ADSL: variants seen among roughly 807,000 people sequenced by gnomAD.
ADSL encodes adenylosuccinate lyase, also known as adenylosuccinase.
A neutral mutation model predicts 62.1 loss-of-function variants in ADSL; 44 were observed. The ratio of observed to expected loss-of-function variants is 0.71; its 90% CI spans 0.56 to 0.91. The LOEUF (loss-of-function observed/expected upper bound fraction) is 0.91. Ranked by LOEUF, ADSL falls within the 40% of genes least tolerant of loss-of-function variation. The pLI, the probability that ADSL is intolerant of heterozygous loss-of-function variation, is 0.00. For missense variants in ADSL, 531 were observed against 627.4 expected, an observed-to-expected ratio of 0.85 and a Z score of 1.64; for synonymous variants, 198 against 220.5, an observed-to-expected ratio of 0.90 and a Z score of 0.90.
rs71718801 is a variant in ADSL, at chr22:40,366,979, TAA to T, written c.*473_*474del. The T allele has an allele frequency of 7.0e-4, 95 of 135,894 alleles. No individual in the cohort carries two copies. The highest frequency in any genetic ancestry group is 3.1e-3 in the South Asian group (15 of 4,776). 8.4% of individuals were successfully genotyped at this position (135,894 alleles called of 1,614,324 possible). ...GAAGTTTGGAACTACAGTAAATACT[TAA>T]AAAAAAAAAAAAAAAGAACCAAACC... On this transcript the variant is annotated 3_prime_UTR_variant, in exon 13 of 13. Coordinates refer to ENST00000623063, the MANE Select transcript of ADSL (RefSeq NM_000026.4).
downstream of ADSL, among the ~76,000 whole-genome samples, chr22:40,370,164 A>AC (rs1303162391): frequency 6.6e-6 from 1 of 151,868 alleles, no homozygotes; most frequent in African/African-American, 2.4e-5. Context: ...ACATGGTGAA[A>AC]CCCCGTCTCT....
At chr22:40,358,338 C>T (rs909811423) in intron 4 of ADSL, among the ~76,000 whole-genome samples, 1 of 152,144 alleles carries the variant, frequency 6.6e-6, no homozygotes, top group African/African-American at 2.4e-5. Context: ...AATCCCAACA[C>T]TTTGGAAGGC....
At position 40,364,974 on chromosome 22, in the gene ADSL, T is replaced by C. The variant is rs372051078; in HGVS notation, c.1286T>C (p.Val429Ala). ...AATGACCTCATAGAGCGTATCCAGG[T>C]TGATGCCTACTTCAGTCCCATTCAC... ...GDNDLIERIQ[V>A]DAYFSPIHSQ... The change falls in exon 12 of 13, where the codon GTT becomes GCT. Residue 429 changes from valine (V) to alanine (A), a missense_variant. Coordinates refer to ENST00000623063, the MANE Select transcript of ADSL (RefSeq NM_000026.4). 6.2e-7 allele frequency: 1 copy of C among 1,614,112 alleles called. No individual in the cohort carries two copies. The highest frequency in any genetic ancestry group is 1.1e-5 in the South Asian group (1 of 91,082).
chr22:40,363,793 T>A (rs1183654606), intron 10 of ADSL, among the ~76,000 whole-genome samples: 1 of 151,404 alleles, frequency 6.6e-6, no homozygotes, highest in African/African-American at 2.4e-5. Flanking sequence ...TAATATTTCC[T>A]TTTTAAAAAT....
intron 2 of ADSL, among the ~76,000 whole-genome samples, chr22:40,377,564 C>A (rs893475584): frequency 1.2e-4 from 19 of 152,056 alleles, no homozygotes; most frequent in African/African-American, 4.6e-4. Context: ...GGCCTGGTGT[C>A]GTGGCTCACG....
intron 4 of ADSL, among the ~76,000 whole-genome samples, chr22:40,356,463 A>T (rs1453602213): frequency 1.3e-5 from 2 of 150,592 alleles, no homozygotes; most frequent in East Asian, 3.9e-4. Flanking sequence ...TGAACCCCGG[A>T]GGCAGAGGTT....
chr22:40,358,745 T>TC, intron 4 of ADSL, 119 bp from the exon 5 acceptor site: 1 of 883,214 alleles, frequency 1.1e-6, no homozygotes, highest in South Asian at 1.5e-5. Flanking sequence ...AGTTACTCCC[T>TC]CTCTTACTTA....
intron 3 of ADSL, 165 bp downstream of exon 3, chr22:40,353,282 C>T: frequency 1.4e-6 from 1 of 711,034 alleles, no homozygotes; most frequent in Non-Finnish European, 2.6e-6. Flanking sequence ...GTTTCTTCTT[C>T]TCCTTTCTTC....
Position 40,353,125 on chromosome 22 carries a change from G to C in ADSL, c.402+8G>C. The stretch of plus-strand genomic sequence containing the variant: ...GACCTGCTTTTGCCAAAGGTAAGGA[G>C]TTGGCAGATGTTTCCTACCAACCCT... On this transcript the variant is annotated splice_region_variant and intron_variant, in intron 3 of 12. Transcript: ENST00000623063. 6.2e-7 allele frequency: 1 copy of C among 1,611,612 alleles called. No homozygotes were observed. The highest frequency in any genetic ancestry group is 8.5e-7 in the Non-Finnish European group (1 of 1,177,704).
At chr22:40,348,268 G>T (rs527879009) in intron 1 of ADSL, 106 of 396,712 alleles carry the variant, frequency 2.7e-4, no homozygotes, top group Non-Finnish European at 3.9e-4. Context: ...TTTGGAAGGA[G>T]CCCAGAGGTG....
At chr22:40,386,935 A>G (rs2048559484) in intron 2 of ADSL, among the ~76,000 whole-genome samples, 1 of 152,092 alleles carries the variant, frequency 6.6e-6, no homozygotes, top group Non-Finnish European at 1.5e-5. Context: ...TTTCACACAC[A>G]AAAAATTTTT....
chr22:40,346,574 G>A lies in ADSL; in HGVS notation c.16G>A (p.Asp6Asn). 1.2e-6 allele frequency: 2 copies of A among 1,605,288 alleles called. No individual in the cohort carries two copies. The highest frequency in any genetic ancestry group is 1.1e-5 in the South Asian group (1 of 89,654). Reference protein sequence around the residue: MAAGGDHGSPDSYRSP... With the variant: MAAGGNHGSPDSYRSP... ...CAGGGTTGGGATGGCGGCTGGAGGCGATCATGGTTCGCCCGACAGCTACCG... is the reference window on the plus strand; with the variant it reads ...CAGGGTTGGGATGGCGGCTGGAGGCAATCATGGTTCGCCCGACAGCTACCG... Residue 6 changes from aspartate (D) to asparagine (N), a missense_variant, in exon 1 of 13, where the codon GAT becomes AAT. By Grantham distance (23) the Asp-to-Asn change is conservative (BLOSUM62 1). Coordinates refer to ENST00000623063, the MANE Select transcript of ADSL (RefSeq NM_000026.4).
At position 40,358,838 on chromosome 22, in the gene ADSL, T is replaced by C. The variant is rs750641912; in HGVS notation, c.483-26T>C. ...TGATTTAAGGTCTCGGTCTGAGACT[T>C]TCGTGTGTTCTCTTTGGGTTTTCAG... On this transcript the variant is annotated intron_variant, in intron 4 of 12. Transcript: ENST00000623063. The C allele has an allele frequency of 6.8e-6, 11 of 1,613,622 alleles. No homozygotes were observed. The East Asian group carries it at 2.5e-4, about 36-fold the overall frequency.
intron 11 of ADSL, 144 bp from the exon 12 acceptor site, chr22:40,364,736 A>C: frequency 1.2e-6 from 1 of 839,708 alleles, no homozygotes. Context: ...ACCCTGGTAC[A>C]GATAGACACA....
intron 2 of ADSL, among the ~76,000 whole-genome samples, chr22:40,375,011 C>T (rs2146739483): frequency 6.6e-6 from 1 of 152,290 alleles, no homozygotes; most frequent in Middle Eastern, 3.4e-3. Flanking sequence ...ATATAATCAC[C>T]TCCCCTTTTT....
At chr22:40,371,208 G>C (rs2045397562), downstream of ADSL, among the ~76,000 whole-genome samples, 1 of 152,242 alleles carries the variant, frequency 6.6e-6, no homozygotes, top group Non-Finnish European at 1.5e-5. Context: ...GGGAAACTGA[G>C]GCATACGTTA....
At chr22:40,352,585 T>G (rs1472037256) in intron 2 of ADSL, among the ~76,000 whole-genome samples, 1 of 152,176 alleles carries the variant, frequency 6.6e-6, no homozygotes, top group Non-Finnish European at 1.5e-5. Context: ...TATGGAAGCT[T>G]CTCAGAAGCT....
chr22:40,352,549 C>T (rs184673517), intron 2 of ADSL, among the ~76,000 whole-genome samples: 5 of 152,026 alleles, frequency 3.3e-5, no homozygotes, highest in South Asian at 2.1e-4. Context: ...AAAAAGAAAA[C>T]GGGAGGAAAG....
intron 1 of ADSL, 81 bp downstream of exon 1, chr22:40,346,792 C>A: frequency 7.0e-7 from 1 of 1,428,988 alleles, no homozygotes; most frequent in Non-Finnish European, 9.5e-7. Context: ...CCGGGCTGGG[C>A]TTAGCCACCC....
Sources: allele counts gnomAD v4.1 joint callset (sites outside exome capture counted in the v4.1 genomes callset), GRCh38; gene constraint gnomAD v4.1.1; transcripts MANE v1.5; gene names NCBI Gene and HGNC (gene_info 2026-07-23, HGNC 2026-07-21).